The following UBE2E2 variants were observed in gnomAD, a reference collection of about 807,000 sequenced individuals.
UBE2E2 encodes the protein ubiquitin conjugating enzyme E2 E2.
A neutral mutation model predicts 24.7 loss-of-function variants in UBE2E2; 6 were observed. The observed-to-expected ratio is 0.24, with a 90% CI of 0.13 to 0.48. The LOEUF (loss-of-function observed/expected upper bound fraction) is 0.48, where lower values mean the gene tolerates loss of function less well. UBE2E2 is among the 20% of genes least tolerant of loss of function. The pLI, the probability that UBE2E2 is intolerant of heterozygous loss-of-function variation, is 0.99. For missense variants in UBE2E2, 169 were observed against 245.0 expected, an observed-to-expected ratio of 0.69 and a Z score of 2.07; for synonymous variants, 104 against 83.6, an observed-to-expected ratio of 1.24 and a Z score of -1.33.
At chr3:23,456,845 C>G (rs1409634009) in intron 3 of UBE2E2, among the ~76,000 whole-genome samples, 1 of 152,176 alleles carries the variant, frequency 6.6e-6, no homozygotes, top group Non-Finnish European at 1.5e-5. Context: ...GTCAGCCTGT[C>G]CTTTGAAGCT....
At chr3:23,364,681 A>T (rs1696210111) in intron 3 of UBE2E2, among the ~76,000 whole-genome samples, 1 of 152,140 alleles carries the variant, frequency 6.6e-6, no homozygotes, top group Non-Finnish European at 1.5e-5. Context: ...TCACAGCCAA[A>T]CTACTGAATG....
chr3:23,266,616 T>G (rs1271498117), intron 3 of UBE2E2, among the ~76,000 whole-genome samples: 1 of 152,082 alleles, frequency 6.6e-6, no homozygotes, highest in Non-Finnish European at 1.5e-5. Context: ...GACAATTATG[T>G]GTCTTGGAGT....
At chr3:23,445,004 C>T (rs1185395330) in intron 3 of UBE2E2, among the ~76,000 whole-genome samples, 1 of 152,218 alleles carries the variant, frequency 6.6e-6, no homozygotes, top group African/African-American at 2.4e-5. Flanking sequence ...TTTACTCCCT[C>T]TACCTCCCCA....
chr3:23,327,262 A>G (rs1043860160), intron 3 of UBE2E2, among the ~76,000 whole-genome samples: 3 of 152,208 alleles, frequency 2.0e-5, no homozygotes, highest in Admixed American at 1.3e-4. Context: ...GTCTTCCACA[A>G]TGGTTGAACT....
intron 1 of UBE2E2, among the ~76,000 whole-genome samples, chr3:23,206,760 A>G (rs1166619427): frequency 6.6e-6 from 1 of 152,258 alleles, no homozygotes; most frequent in Non-Finnish European, 1.5e-5. Flanking sequence ...GGCTTAGAGC[A>G]AGCTACAAGT....
chr3:23,405,489 GGCAGATGGTTAT>G (rs1295804308), intron 3 of UBE2E2, among the ~76,000 whole-genome samples: 1 of 152,110 alleles, frequency 6.6e-6, no homozygotes, highest in Non-Finnish European at 1.5e-5. Flanking sequence ...TATGAGTACT[GGCAGATGGTTAT>G]GCAGAGCTAT....
At chr3:23,272,527 G>A (rs868116710) in intron 3 of UBE2E2, among the ~76,000 whole-genome samples, 3 of 152,212 alleles carry the variant, frequency 2.0e-5, no homozygotes, top group East Asian at 3.9e-4. Flanking sequence ...CGCTGAGAGC[G>A]AGCGAGGGCC....
chr3:23,406,947 C>T (rs549877943), intron 3 of UBE2E2, among the ~76,000 whole-genome samples: 1 of 152,332 alleles, frequency 6.6e-6, no homozygotes, highest in Admixed American at 6.5e-5. Context: ...CAGTGTCCCC[C>T]ATGAGGAGGG....
chr3:23,217,672 G>A (rs1350504473), intron 3 of UBE2E2, among the ~76,000 whole-genome samples: 1 of 152,036 alleles, frequency 6.6e-6, no homozygotes, highest in Non-Finnish European at 1.5e-5. Context: ...GTGCTATGTT[G>A]TATTGTTATC....
intron 3 of UBE2E2, among the ~76,000 whole-genome samples, chr3:23,351,885 A>G (rs1448335948): frequency 6.6e-6 from 1 of 152,174 alleles, no homozygotes; most frequent in African/African-American, 2.4e-5. Flanking sequence ...CAAGCGACCT[A>G]ATAGACATCT....
intron 3 of UBE2E2, among the ~76,000 whole-genome samples, chr3:23,247,185 G>A (rs1431272787): frequency 6.6e-6 from 1 of 151,890 alleles, no homozygotes; most frequent in Non-Finnish European, 1.5e-5. Flanking sequence ...AATAAAAAAA[G>A]TAAAAGAATT....
chr3:23,296,537 C>G (rs1206630352), intron 3 of UBE2E2, among the ~76,000 whole-genome samples: 1 of 152,134 alleles, frequency 6.6e-6, no homozygotes, highest in African/African-American at 2.4e-5. Flanking sequence ...CAATTCCCAC[C>G]TATAACTGAG....
At chr3:23,523,317 C>T (rs1559410847) in intron 4 of UBE2E2, among the ~76,000 whole-genome samples, 1 of 152,210 alleles carries the variant, frequency 6.6e-6, no homozygotes, top group Non-Finnish European at 1.5e-5. Flanking sequence ...AAGAGATTTG[C>T]TTCCCGTGAT....
chr3:23,535,663 G>C (rs1267859213), intron 5 of UBE2E2, among the ~76,000 whole-genome samples: 2 of 121,752 alleles, frequency 1.6e-5, no homozygotes, highest in African/African-American at 6.5e-5. Context: ...TCGCTCTGTC[G>C]CCCAGGCTGG....
intron 3 of UBE2E2, among the ~76,000 whole-genome samples, chr3:23,331,836 A>G (rs1052290234): frequency 1.3e-5 from 2 of 152,222 alleles, no homozygotes; most frequent in Admixed American, 6.5e-5. Context: ...GAGTAGTCAC[A>G]TGATTTAGCT....
chr3:23,564,618 A>G (rs976728428), intron 5 of UBE2E2, among the ~76,000 whole-genome samples: 9 of 152,070 alleles, frequency 5.9e-5, no homozygotes, highest in Admixed American at 5.2e-4. Flanking sequence ...TCCAAACATA[A>G]TTCTGTGGTT....
At chr3:23,316,049 C>T (rs1274353777) in intron 3 of UBE2E2, among the ~76,000 whole-genome samples, 1 of 152,094 alleles carries the variant, frequency 6.6e-6, no homozygotes, top group Non-Finnish European at 1.5e-5. Flanking sequence ...TGGCCGCCAC[C>T]CCTGGAAATG....
chr3:23,554,907 T>G (rs909951101), intron 5 of UBE2E2, among the ~76,000 whole-genome samples: 1 of 152,008 alleles, frequency 6.6e-6, no homozygotes, highest in Non-Finnish European at 1.5e-5. Context: ...CCACTGGACC[T>G]GAATATACCT....
chr3:23,230,137 G>A (rs1696934988), intron 3 of UBE2E2, among the ~76,000 whole-genome samples: 1 of 152,062 alleles, frequency 6.6e-6, no homozygotes, highest in African/African-American at 2.4e-5. Context: ...AATATTGTGG[G>A]AGACAATTTA....
Sources: allele counts gnomAD v4.1 joint callset (sites outside exome capture counted in the v4.1 genomes callset), GRCh38; gene constraint gnomAD v4.1.1; transcripts MANE v1.5; gene names NCBI Gene and HGNC (gene_info 2026-07-23, HGNC 2026-07-21).